The following SERP1 variants were observed in gnomAD, a reference collection of about 807,000 sequenced individuals.
SERP1 encodes stress-associated endoplasmic reticulum protein 1.
A neutral mutation model predicts 8.8 loss-of-function variants in SERP1; 6 were observed. The ratio of observed to expected loss-of-function variants is 0.68; its 90% CI spans 0.37 to 1.35. The LOEUF (loss-of-function observed/expected upper bound fraction) is 1.35, where lower values mean the gene tolerates loss of function less well. SERP1 is among the 40% of genes most tolerant of loss of function. The probability of loss-of-function intolerance (pLI) is 0.02; values close to 1 mark genes in which losing one functional copy is unlikely to be tolerated. For synonymous variants in SERP1, 36 were observed against 28.7 expected (o/e 1.25, Z -0.81); for missense variants, 52 against 86.2 (o/e 0.60, Z 1.57).
intron 1 of SERP1, 65 bp from the exon 2 acceptor site, chr3:150,545,843 C>T (rs1180088566): frequency 1.3e-6 from 2 of 1,508,056 alleles, no homozygotes; most frequent in East Asian, 2.4e-5. Flanking sequence ...GCTCCCACGC[C>T]TGCACGCCGG....
Position 150,543,394 on chromosome 3 carries a change from T to A in SERP1, c.*1064A>T, listed in dbSNP as rs1050042057. 1 of 152,708 alleles carries A rather than the reference T, an allele frequency of 6.5e-6. No individual in the cohort carries two copies. The highest frequency in any genetic ancestry group is 1.5e-5 in the Non-Finnish European group (1 of 68,020). The allele number at this position is 152,708 out of a possible 1,614,324, so 9.5% of individuals were successfully genotyped here. On this transcript the variant is annotated 3_prime_UTR_variant, in exon 3 of 3. Transcript: ENST00000239944. Reference sequence around the variant, plus strand: ...CTAAAGACTGATCATTATCAGTAAATCCATTCAATTCCAGATGCCACTTTA... The same window carrying A: ...CTAAAGACTGATCATTATCAGTAAAACCATTCAATTCCAGATGCCACTTTA...
At chr3:150,545,583 G>T in intron 2 of SERP1, 120 bp downstream of exon 2, 1 of 896,466 alleles carries the variant, frequency 1.1e-6, no homozygotes, top group Non-Finnish European at 1.8e-6. Context: ...GAATTATGTG[G>T]AGTCCTCGGC....
intron 1 of SERP1, 107 bp from the exon 2 acceptor site, chr3:150,545,885 T>G: frequency 2.9e-6 from 4 of 1,363,702 alleles, no homozygotes; most frequent in Non-Finnish European, 4.0e-6. Context: ...AGGTCTCCCC[T>G]TCCGTTCCCG....
At chr3:150,544,593 G>A in intron 2 of SERP1, 95 bp from the exon 3 acceptor site, 6 of 980,960 alleles carry the variant, frequency 6.1e-6, no homozygotes, top group South Asian at 4.4e-5. Context: ...GAATCCAAAG[G>A]TACTCTTACA....
Position 150,543,446 on chromosome 3 carries a change from T to C in SERP1, c.*1012A>G, listed in dbSNP as rs555054338. ...GCTGATGTGTCTAGTACCCTAATGA[T>C]TGAAAAATCATTAATCTAGAAAAAG... On this transcript the variant is annotated 3_prime_UTR_variant, in exon 3 of 3. Coordinates refer to ENST00000239944, the MANE Select transcript of SERP1 (RefSeq NM_014445.4). 3 of 152,754 alleles carry C rather than the reference T, an allele frequency of 2.0e-5. No homozygotes were observed. The highest frequency in any genetic ancestry group is 3.9e-4 in the East Asian group (2 of 5,190). 9.5% of individuals were successfully genotyped at this position (152,754 alleles called of 1,614,324 possible).
In SERP1 at chr3:150,544,334, T is replaced by C. The variant is rs1722934553; in HGVS notation, c.*124A>G. On this transcript the variant is annotated 3_prime_UTR_variant, in exon 3 of 3. Coordinates refer to ENST00000239944, the MANE Select transcript of SERP1 (RefSeq NM_014445.4). ...AAACCTTGGAATGACACATGAAGCATGATAGGAAAGTCATTCTGAGGCAGG... is the reference window on the plus strand; with the variant it reads ...AAACCTTGGAATGACACATGAAGCACGATAGGAAAGTCATTCTGAGGCAGG... 1.1e-6 allele frequency: 1 copy of C among 892,878 alleles called. No individual in the cohort carries two copies. 55.3% of individuals were successfully genotyped at this position (892,878 alleles called of 1,614,324 possible).
At chr3:150,544,603 A>C in intron 2 of SERP1, 105 bp from the exon 3 acceptor site, 4 of 847,354 alleles carry the variant, frequency 4.7e-6, no homozygotes, top group Non-Finnish European at 7.7e-6. Context: ...GTACTCTTAC[A>C]TTTGCAAATG....
In SERP1 at chr3:150,546,174, C is replaced by T. The variant is rs1723007252; in HGVS notation, c.-39G>A. The T allele has an allele frequency of 6.2e-7, 1 of 1,603,412 alleles. No homozygotes were observed. The highest frequency in any genetic ancestry group is 8.5e-7 in the Non-Finnish European group (1 of 1,174,424). Reference sequence around the variant, plus strand: ...CCACCTGCCCCGGCCACCCCTCGGACTCGCTCACTCGCCTGCCTCCTCTGG... The same window carrying T: ...CCACCTGCCCCGGCCACCCCTCGGATTCGCTCACTCGCCTGCCTCCTCTGG... On this transcript the variant is annotated 5_prime_UTR_variant, in exon 1 of 3. Transcript: ENST00000239944.
At chr3:150,545,346 G>C (rs1240609053) in intron 2 of SERP1, 4 of 390,372 alleles carry the variant, frequency 1.0e-5, no homozygotes, top group Admixed American at 4.1e-5. Flanking sequence ...AACATCTATA[G>C]TACATATTTA....
At chr3:150,545,951 G>A in intron 1 of SERP1, 101 bp downstream of exon 1, 1 of 1,499,772 alleles carries the variant, frequency 6.7e-7, no homozygotes, top group East Asian at 2.3e-5. Flanking sequence ...CACGGCACCA[G>A]CCCACGGTCG....
At chr3:150,544,537 A>G (rs1397431941) in intron 2 of SERP1, 39 bp from the exon 3 acceptor site, 1 of 1,504,994 alleles carries the variant, frequency 6.6e-7, no homozygotes, top group Admixed American at 1.7e-5. Flanking sequence ...TAAGCTTTGA[A>G]TAAAATAGGT....
Position 150,544,260 on chromosome 3 carries a change from T to A in SERP1, c.*198A>T, listed in dbSNP as rs1484417546. On this transcript the variant is annotated 3_prime_UTR_variant, in exon 3 of 3. Transcript: ENST00000239944. ...TATTGCTTTATTCATGTGGTGTTTT[T>A]TGCAAGGCACTGTGGTATGGACTAG... 1 of 561,472 alleles carries A rather than the reference T, an allele frequency of 1.8e-6. No homozygotes were observed. Among genetic ancestry groups the A allele is most frequent in the African/African-American group, 1.9e-5 (1 of 52,274 alleles). The allele number at this position is 561,472 out of a possible 1,614,324, so 34.8% of individuals were successfully genotyped here.
At chr3:150,545,029 T>G (rs866144087) in intron 2 of SERP1, among the ~76,000 whole-genome samples, 3 of 152,372 alleles carry the variant, frequency 2.0e-5, no homozygotes, top group African/African-American at 4.8e-5. Flanking sequence ...AAACATCTAC[T>G]TCAATATTAA....
In SERP1 at chr3:150,545,939, T is replaced by G. The variant is rs879020290; in HGVS notation, c.84+113A>C. 908 of 1,451,746 alleles carry G rather than the reference T, an allele frequency of 6.3e-4. 3 individuals are homozygous for G. Among genetic ancestry groups the G allele is most frequent in the South Asian group, 5.9e-4 (49 of 82,850 alleles). The allele number at this position is 1,451,746 out of a possible 1,614,324, so 89.9% of individuals were successfully genotyped here. A position where few individuals can be genotyped will look rare whatever the true frequency, so the allele number is the denominator to read the frequency against. ...GTTCGCAGACTCGGGCCCCTACCCC[T>G]CCACGGCACCAGCCCACGGTCGGCC... is the stretch of plus-strand genomic sequence containing the variant. On this transcript the variant is annotated intron_variant, in intron 1 of 2. Transcript: ENST00000239944.
At position 150,546,384 on chromosome 3, in the gene SERP1, G is replaced by A. The variant is rs1723021846; in HGVS notation, c.-249C>T. The A allele has an allele frequency of 7.1e-6, 4 of 565,030 alleles. No homozygotes were observed. Among genetic ancestry groups the A allele is most frequent in the East Asian group, 6.2e-5 (2 of 32,474 alleles). The allele number at this position is 565,030 out of a possible 1,614,324, so 35.0% of individuals were successfully genotyped here. On this transcript the variant is annotated 5_prime_UTR_variant, in exon 1 of 3. Coordinates refer to ENST00000239944, the MANE Select transcript of SERP1 (RefSeq NM_014445.4). ...CGCAGGAGGAAGAGAACTGGCCGCC[G>A]GGTCGTTCTCGCGCCGCCGTCGCCG...
chr3:150,545,932 C>T, intron 1 of SERP1, 120 bp downstream of exon 1: 1 of 1,423,296 alleles, frequency 7.0e-7, no homozygotes, highest in African/African-American at 1.4e-5. Flanking sequence ...ACTCGGGCCC[C>T]TACCCCTCCA....
chr3:150,545,971 G>A, intron 1 of SERP1, 81 bp downstream of exon 1: 1 of 1,567,026 alleles, frequency 6.4e-7, no homozygotes, highest in Non-Finnish European at 8.7e-7. Flanking sequence ...GGCCGGATCC[G>A]GGAGAAAACG....
rs139300607 is a variant in SERP1, at chr3:150,545,818, C to G, written c.85-40G>C. The stretch of plus-strand genomic sequence containing the variant: ...ATCCACCATTTCAGATGCAGAGAAA[C>G]CACTCGGACCCCAGGCTCCCACGCC... On this transcript the variant is annotated intron_variant, in intron 1 of 2. Transcript: ENST00000239944. 2,729 of 1,563,118 alleles carry G rather than the reference C, an allele frequency of 1.7e-3. 41 individuals are homozygous for G. The African/African-American group carries it at 0.032, about 19-fold the overall frequency.
intron 1 of SERP1, 107 bp downstream of exon 1, chr3:150,545,945 G>A: frequency 1.4e-6 from 2 of 1,471,444 alleles, no homozygotes; most frequent in Non-Finnish European, 1.9e-6. Flanking sequence ...CCCCTCCACG[G>A]CACCAGCCCA....
Sources: allele counts gnomAD v4.1 joint callset (sites outside exome capture counted in the v4.1 genomes callset), GRCh38; gene constraint gnomAD v4.1.1; transcripts MANE v1.5; gene names NCBI Gene and HGNC (gene_info 2026-07-23, HGNC 2026-07-21).